The following ANK1 variants were observed in gnomAD, a reference collection of about 807,000 sequenced individuals.
ANK1 encodes ankyrin 1, also known as ankyrin-1.
A neutral mutation model predicts 210.4 loss-of-function variants in ANK1; 51 were observed. The observed-to-expected ratio is 0.24, with a 90% confidence interval of 0.19 to 0.31. The LOEUF (loss-of-function observed/expected upper bound fraction) is 0.31, where lower values mean the gene tolerates loss of function less well. Among genes scored for constraint, ANK1 ranks in the 10% least tolerant of loss-of-function variants. The probability of loss-of-function intolerance (pLI) is 1.00; values close to 1 mark genes in which losing one functional copy is unlikely to be tolerated. For synonymous variants in ANK1, 967 were observed against 1,025.9 expected (o/e 0.94, Z 1.10); for missense variants, 2,051 against 2,504.4 (o/e 0.82, Z 3.86).
At chr8:41,734,099 T>A in intron 2 of ANK1, 30 bp from the exon 3 acceptor site, 1 of 1,591,920 alleles carries the variant, frequency 6.3e-7, no homozygotes, top group Non-Finnish European at 8.6e-7. Flanking sequence ...GGGAAGGGCA[T>A]GGTTAGTCAA....
chr8:41,682,917 T>C (rs58013395), intron 37 of ANK1, among the ~76,000 whole-genome samples: 1,719 of 152,280 alleles, frequency 0.011, 23 homozygotes, highest in African/African-American at 0.038. Context: ...CTCAGCCCAC[T>C]GAGCTCCTGT....
At chr8:41,715,962 G>A (rs1827560568) in intron 13 of ANK1, 113 bp from the exon 14 acceptor site, 1 of 1,225,118 alleles carries the variant, frequency 8.2e-7, no homozygotes, top group Non-Finnish European at 1.2e-6. Context: ...CCTTCTCAAG[G>A]TCACACAGCT....
rs72638946 is a variant in ANK1, at chr8:41,656,151, C to G, written c.*37-398G>C. Among the ~76,000 whole-genome samples the G allele has an allele frequency of 4.1e-3, 623 of 152,380 alleles. 1 individual carries two copies. Among genetic ancestry groups the G allele is most frequent in the Non-Finnish European group, 6.2e-3 (423 of 68,030 alleles). The stretch of plus-strand genomic sequence containing the variant: ...AGCAGATCCTTGTACTTAGGAAGAG[C>G]CATTTTTCTTGAGCCAGGGCTTGTG... On this transcript the variant is annotated intron_variant, in intron 42 of 42. Coordinates refer to ENST00000289734, the MANE Select transcript of ANK1 (RefSeq NM_000037.4).
At chr8:41,703,217 G>A (rs750566784) in intron 20 of ANK1, among the ~76,000 whole-genome samples, 50 of 151,772 alleles carry the variant, frequency 3.3e-4, no homozygotes, top group South Asian at 1.0e-3. Flanking sequence ...AGCTCACACC[G>A]AACGATGATT....
At chr8:41,801,144 C>G (rs1202587651), upstream of ANK1, among the ~76,000 whole-genome samples, 2 of 152,120 alleles carry the variant, frequency 1.3e-5, no homozygotes, top group Non-Finnish European at 2.9e-5. Flanking sequence ...GGATCTCATT[C>G]TGTCACCCAG....
At chr8:41,683,078 GCACA>G (rs375927042) in intron 37 of ANK1, among the ~76,000 whole-genome samples, 2 of 150,706 alleles carry the variant, frequency 1.3e-5, no homozygotes, top group Non-Finnish European at 1.5e-5. Context: ...ATGAACACGT[GCACA>G]CACACACACA....
chr8:41,701,753 GC>G (rs1822861313), intron 21 of ANK1, 131 bp from the exon 22 acceptor site: 2 of 992,214 alleles, frequency 2.0e-6, no homozygotes, highest in Non-Finnish European at 3.1e-6. Context: ...GAGGCGCTCA[GC>G]CTGGAAGCTG....
chr8:41,661,601 C>A (rs781470445), intron 41 of ANK1, 37 bp from the exon 42 acceptor site: 34 of 1,612,628 alleles, frequency 2.1e-5, no homozygotes, highest in Non-Finnish European at 2.8e-5. Context: ...CAGGACAGAT[C>A]GCAAAGACGG....
intron 8 of ANK1, 150 bp from the exon 9 acceptor site, chr8:41,723,373 C>T: frequency 1.7e-6 from 2 of 1,154,912 alleles, no homozygotes; most frequent in Admixed American, 1.8e-5. Context: ...TTTACTATTG[C>T]CTCCCACTGC....
At chr8:41,799,652 C>T (rs1849552832), upstream of ANK1, among the ~76,000 whole-genome samples, 1 of 152,104 alleles carries the variant, frequency 6.6e-6, no homozygotes, top group Non-Finnish European at 1.5e-5. Context: ...CAACATGGTG[C>T]CTCCCCAGTC....
chr8:41,684,745 A>C (rs936829875), intron 36 of ANK1, 55 bp from the exon 37 acceptor site: 1 of 1,580,522 alleles, frequency 6.3e-7, no homozygotes, highest in Non-Finnish European at 8.7e-7. Context: ...CGAGGATCAC[A>C]TGGGCTCAGA....
At chr8:41,659,631 C>G (rs1585771451) in intron 42 of ANK1, among the ~76,000 whole-genome samples, 2 of 152,150 alleles carry the variant, frequency 1.3e-5, no homozygotes, top group East Asian at 3.8e-4. Context: ...AATGCTGTCC[C>G]CTAACCCTCT....
chr8:41,724,617 C>T, intron 6 of ANK1, 63 bp from the exon 7 acceptor site: 1 of 1,479,170 alleles, frequency 6.8e-7, no homozygotes, highest in Non-Finnish European at 9.2e-7. Flanking sequence ...CAGAATCAGC[C>T]CTGGGATGCA....
intron 1 of ANK1, among the ~76,000 whole-genome samples, chr8:41,784,876 G>C (rs1846036345): frequency 6.6e-6 from 1 of 152,228 alleles, no homozygotes; most frequent in Non-Finnish European, 1.5e-5. Context: ...GTTTCTTGAA[G>C]GAATGGGCAA....
chr8:41,716,160 A>C (rs1048828268), intron 13 of ANK1, among the ~76,000 whole-genome samples: 2 of 152,188 alleles, frequency 1.3e-5, no homozygotes, highest in Non-Finnish European at 1.5e-5. Flanking sequence ...AGCTGGGATC[A>C]AGCTGATAAT....
At chr8:41,766,815 C>T (rs1460137287) in intron 1 of ANK1, among the ~76,000 whole-genome samples, 3 of 152,244 alleles carry the variant, frequency 2.0e-5, no homozygotes, top group Admixed American at 2.0e-4. Flanking sequence ...ACAGGTCTGC[C>T]TTCCTCTGCC....
At chr8:41,875,291 A>C (rs1816345870) in intron 1 of ANK1, among the ~76,000 whole-genome samples, 1 of 152,192 alleles carries the variant, frequency 6.6e-6, no homozygotes, top group African/African-American at 2.4e-5. Flanking sequence ...CCCAGTTTAG[A>C]GGCTGGCAGC....
chr8:41,696,609 G>C, intron 25 of ANK1, 22 bp from the exon 26 acceptor site: 1 of 1,612,478 alleles, frequency 6.2e-7, no homozygotes, highest in Non-Finnish European at 8.5e-7. Context: ...GCAGATGCAC[G>C]TTGGGCTTCT....
At chr8:41,758,981 C>T (rs1474398382) in intron 1 of ANK1, among the ~76,000 whole-genome samples, 1 of 151,694 alleles carries the variant, frequency 6.6e-6, no homozygotes, top group Non-Finnish European at 1.5e-5. Flanking sequence ...TCCTCCTGCC[C>T]CGGCCTCTGA....
Sources: allele counts gnomAD v4.1 joint callset (sites outside exome capture counted in the v4.1 genomes callset), GRCh38; gene constraint gnomAD v4.1.1; transcripts MANE v1.5; gene names NCBI Gene and HGNC (gene_info 2026-07-23, HGNC 2026-07-21).